The following ATG7 variants were observed in gnomAD, a reference collection of about 807,000 sequenced individuals.
ATG7 encodes ubiquitin-like modifier-activating enzyme ATG7.
Under a neutral mutation model 82.4 loss-of-function variants are expected in ATG7, and 70 were observed. That is an observed-to-expected ratio of 0.85 (90% CI 0.70 to 1.04). The LOEUF is 1.04. Among genes scored for constraint, ATG7 ranks in the 50% least tolerant of loss-of-function variants. ATG7 has a pLI of 0.00. For missense variants in ATG7, 792 were observed against 864.3 expected, an observed-to-expected ratio of 0.92 and a Z score of 1.05; for synonymous variants, 287 against 313.0, an observed-to-expected ratio of 0.92 and a Z score of 0.88.
the ATG7 span, chr3:11,564,983 G>A: frequency 6.5e-7 from 1 of 1,530,008 alleles, no homozygotes; most frequent in East Asian, 2.4e-5. Flanking sequence ...TCCGCTCCCG[G>A]GGGTCTCTGC....
chr3:11,307,941 C>T (rs774867294), intron 6 of ATG7, among the ~76,000 whole-genome samples: 2 of 152,294 alleles, frequency 1.3e-5, no homozygotes, highest in Non-Finnish European at 2.9e-5. Flanking sequence ...TCCTGGGCCT[C>T]CTGCTTTGGC....
rs369603674 is a variant in ATG7, at chr3:11,544,201, C to A, written c.2080-10610C>A. Among the ~76,000 whole-genome samples, 21 of 152,286 alleles carry A rather than the reference C, an allele frequency of 1.4e-4. No individual in the cohort carries two copies. In the East Asian group the frequency reaches 3.9e-3, roughly 28 times the overall value. On this transcript the variant is annotated intron_variant, in intron 20 of 20. Coordinates refer to ENST00000693202, the MANE Select transcript of ATG7 (RefSeq NM_001349232.2). ...GGCTAATTCTGAGTTGCCCCAGGTC[C>A]CCATGCTGCGATGGGGCTCCGGGCA...
At chr3:11,309,836 A>G (rs1948377605) in intron 7 of ATG7, among the ~76,000 whole-genome samples, 1 of 152,178 alleles carries the variant, frequency 6.6e-6, no homozygotes, top group Non-Finnish European at 1.5e-5. Context: ...TATGTTTCAT[A>G]GATTCCTGTT....
intron 9 of ATG7, among the ~76,000 whole-genome samples, chr3:11,330,123 C>T (rs1951435774): frequency 6.6e-6 from 1 of 152,192 alleles, no homozygotes; most frequent in African/African-American, 2.4e-5. Context: ...CACCTGATAT[C>T]CACATGACAT....
chr3:11,284,499 T>C (rs1283791319), intron 3 of ATG7, among the ~76,000 whole-genome samples: 1 of 152,214 alleles, frequency 6.6e-6, no homozygotes, highest in East Asian at 1.9e-4. Context: ...TAAATGAAGG[T>C]TCTCTTCGTA....
chr3:11,331,828 G>C lies in ATG7; in HGVS notation c.767+400G>C, dbSNP rs576113587. Among the ~76,000 whole-genome samples, 6 of 152,222 alleles carry C rather than the reference G, an allele frequency of 3.9e-5. No homozygotes were observed. In the South Asian group the frequency reaches 1.2e-3, roughly 32 times the overall value. ...ATATCTTAAAAGCCAATATACATTT[G>C]AAAAGATGCCCAACATCATGTCATT... On this transcript the variant is annotated intron_variant, in intron 10 of 20. Coordinates refer to ENST00000693202, the MANE Select transcript of ATG7 (RefSeq NM_001349232.2).
chr3:11,431,398 A>C (rs1261875247), intron 20 of ATG7, among the ~76,000 whole-genome samples: 7 of 152,190 alleles, frequency 4.6e-5, no homozygotes, highest in Non-Finnish European at 8.8e-5. Context: ...GGAAAAAAAC[A>C]ACCACACACA....
chr3:11,523,764 G>C (rs2092502179), intron 20 of ATG7, among the ~76,000 whole-genome samples: 1 of 152,202 alleles, frequency 6.6e-6, no homozygotes, highest in Admixed American at 6.5e-5. Context: ...CTTGATCTCT[G>C]ATTACGGCCA....
At chr3:11,273,351 C>A (rs1940944997) in intron 1 of ATG7, among the ~76,000 whole-genome samples, 1 of 152,162 alleles carries the variant, frequency 6.6e-6, no homozygotes, top group African/African-American at 2.4e-5. Context: ...CTGGTTGCTC[C>A]TGTTTGGTCC....
downstream of ATG7, chr3:11,559,480 T>C (rs759826457): frequency 2.0e-6 from 3 of 1,535,800 alleles, no homozygotes; most frequent in South Asian, 1.2e-5. Flanking sequence ...GGTGTCAGTA[T>C]GTGGAGACCA....
chr3:11,564,875 G>A, the ATG7 span: 6,985 of 1,609,376 alleles, frequency 4.3e-3, 34 homozygotes, highest in South Asian at 9.3e-3. Flanking sequence ...TGGTCAGTGC[G>A]AGGGGCTGCT....
At chr3:11,325,654 G>C (rs899431792) in intron 9 of ATG7, among the ~76,000 whole-genome samples, 1 of 151,394 alleles carries the variant, frequency 6.6e-6, no homozygotes, top group Non-Finnish European at 1.5e-5. Context: ...CTGGGCAACA[G>C]GGGCGAAACT....
At chr3:11,365,688 C>G (rs974499892) in intron 18 of ATG7, among the ~76,000 whole-genome samples, 4 of 152,154 alleles carry the variant, frequency 2.6e-5, no homozygotes, top group Non-Finnish European at 5.9e-5. Flanking sequence ...CCTCGCCACC[C>G]ACCTTCTGCC....
intron 18 of ATG7, among the ~76,000 whole-genome samples, chr3:11,370,051 A>G (rs1236432122): frequency 2.0e-5 from 3 of 151,184 alleles, no homozygotes; most frequent in African/African-American, 7.3e-5. Flanking sequence ...TGGGGATAAT[A>G]TAATAAGCTC....
chr3:11,459,252 C>A (rs1053801970), intron 20 of ATG7, among the ~76,000 whole-genome samples: 2 of 151,214 alleles, frequency 1.3e-5, no homozygotes, highest in African/African-American at 2.4e-5. Flanking sequence ...AATATCTCTG[C>A]AGAATGCTAC....
At chr3:11,407,357 T>C (rs975372796) in intron 19 of ATG7, among the ~76,000 whole-genome samples, 2 of 152,232 alleles carry the variant, frequency 1.3e-5, no homozygotes, top group African/African-American at 4.8e-5. Context: ...CTTTGCAGGG[T>C]GCAGCCTCCC....
At chr3:11,281,568 T>G (rs1450400292) in intron 2 of ATG7, among the ~76,000 whole-genome samples, 1 of 150,668 alleles carries the variant, frequency 6.6e-6, no homozygotes, top group African/African-American at 2.4e-5. Context: ...AGGTCAGGAG[T>G]TCGAAACCAG....
chr3:11,443,840 A>G (rs960916387), intron 20 of ATG7, among the ~76,000 whole-genome samples: 2 of 152,224 alleles, frequency 1.3e-5, no homozygotes, highest in African/African-American at 2.4e-5. Flanking sequence ...GCTATAACAT[A>G]TGCAGAAAAA....
chr3:11,547,940 C>T (rs2071428816), intron 20 of ATG7, among the ~76,000 whole-genome samples: 1 of 152,108 alleles, frequency 6.6e-6, no homozygotes, highest in African/African-American at 2.4e-5. Flanking sequence ...CTCCTGGGCT[C>T]AAGGGATCCT....
Sources: allele counts gnomAD v4.1 joint callset (sites outside exome capture counted in the v4.1 genomes callset), GRCh38; gene constraint gnomAD v4.1.1; transcripts MANE v1.5; gene names NCBI Gene and HGNC (gene_info 2026-07-23, HGNC 2026-07-21).